GABRB3: variants seen among roughly 807,000 people sequenced by gnomAD.
The protein encoded by GABRB3 is gamma-aminobutyric acid type A receptor subunit beta3, also known as gamma-aminobutyric acid receptor subunit beta-3.
GABRB3 carries 14 observed loss-of-function variants against 52.1 expected under a neutral mutation model. The ratio of observed to expected loss-of-function variants is 0.27; its 90% confidence interval spans 0.18 to 0.42. The LOEUF is 0.42. Among genes scored for constraint, GABRB3 ranks in the 10% least tolerant of loss-of-function variants. The pLI is 1.00. For missense variants in GABRB3, 307 were observed against 609.1 expected (o/e 0.50, Z 5.22); for synonymous variants, 260 against 232.3 (o/e 1.12, Z -1.08).
In GABRB3 at chr15:26,585,515, G is replaced by C. The variant is rs189896681; in HGVS notation, c.462-2101C>G. ...GGTGATAAAGTATGTCCTTCCATTA[G>C]CATCTGGTTAAGCAAGCAGGTTGAG... On this transcript the variant is annotated intron_variant, in intron 4 of 8. Transcript: ENST00000311550. Among the ~76,000 whole-genome samples, 9 of 152,260 alleles carry C rather than the reference G, an allele frequency of 5.9e-5. No homozygotes were observed. In the East Asian group the frequency reaches 1.4e-3, roughly 23 times the overall value.
chr15:26,567,019 T>C (rs1890202963), intron 7 of GABRB3, among the ~76,000 whole-genome samples: 1 of 152,182 alleles, frequency 6.6e-6, no homozygotes, highest in South Asian at 2.1e-4. Flanking sequence ...AAGCCTTCCC[T>C]TAATAATCAA....
chr15:26,682,990 C>A (rs1888286168), intron 3 of GABRB3, among the ~76,000 whole-genome samples: 1 of 152,186 alleles, frequency 6.6e-6, no homozygotes, highest in African/African-American at 2.4e-5. Flanking sequence ...GTGCTGCCCC[C>A]ACCACTGCCC....
chr15:26,591,272 A>T (rs920808198), intron 4 of GABRB3, among the ~76,000 whole-genome samples: 1 of 152,218 alleles, frequency 6.6e-6, no homozygotes, highest in African/African-American at 2.4e-5. Flanking sequence ...CAACACAAGT[A>T]ACTGCAAACA....
chr15:26,724,837 C>A (rs543385100), intron 3 of GABRB3, among the ~76,000 whole-genome samples: 2 of 152,230 alleles, frequency 1.3e-5, no homozygotes, highest in African/African-American at 4.8e-5. Flanking sequence ...TCCCTTTGCC[C>A]CCCCTCAAAG....
rs534774851 is a variant in GABRB3 at position 26,731,021 on chromosome 15, T to C, written c.240+41381A>G. Among the ~76,000 whole-genome samples the C allele has an allele frequency of 2.0e-4, 30 of 152,218 alleles. No homozygotes were observed. In the East Asian group the frequency reaches 5.6e-3, roughly 28 times the overall value. The stretch of plus-strand genomic sequence containing the variant: ...TTTCAGCCACTGCTGCGAAGTCTTA[T>C]TTTCAGCAACACCAGTATTAATGAT... On this transcript the variant is annotated intron_variant, in intron 3 of 8. Transcript: ENST00000311550.
chr15:26,733,873 T>A (rs935770350), intron 3 of GABRB3, among the ~76,000 whole-genome samples: 1 of 152,132 alleles, frequency 6.6e-6, no homozygotes, highest in African/African-American at 2.4e-5. Context: ...GACTGTTCAA[T>A]AGGGAAAGGA....
At chr15:26,567,883 G>T in intron 6 of GABRB3, 150 bp from the exon 7 acceptor site, 1 of 734,580 alleles carries the variant, frequency 1.4e-6, no homozygotes, top group Non-Finnish European at 2.4e-6. Context: ...CTGTCTGCTA[G>T]CGGTATTTAT....
intron 3 of GABRB3, among the ~76,000 whole-genome samples, chr15:26,656,862 C>A (rs1360095331): frequency 1.3e-5 from 2 of 152,170 alleles, no homozygotes; most frequent in East Asian, 1.9e-4. Context: ...ATAAAAAATT[C>A]TTGTCTGAGT....
In GABRB3 at chr15:26,726,145, G is replaced by T. The variant is rs1889765801; in HGVS notation, c.240+46257C>A. ...CCTTGGGGATACTGAACTGTACATT[G>T]TGTGCCTGCATTTTGACTGCAGCCC... On this transcript the variant is annotated intron_variant, in intron 3 of 8. Transcript: ENST00000311550. Among the ~76,000 whole-genome samples, 6 of 151,320 alleles carry T rather than the reference G, an allele frequency of 4.0e-5. No individual in the cohort carries two copies. In the South Asian group the frequency reaches 1.1e-3, roughly 27 times the overall value.
At chr15:26,733,248 A>T (rs138332079) in intron 3 of GABRB3, among the ~76,000 whole-genome samples, 1 of 152,008 alleles carries the variant, frequency 6.6e-6, no homozygotes, top group Admixed American at 6.6e-5. Context: ...TTATGTAGAA[A>T]ATACATACTA....
At chr15:26,597,937 G>A (rs1891455827) in intron 4 of GABRB3, among the ~76,000 whole-genome samples, 1 of 152,224 alleles carries the variant, frequency 6.6e-6, no homozygotes, top group African/African-American at 2.4e-5. Flanking sequence ...AGGTTGAGAA[G>A]CCCCAAGTCC....
At chr15:26,550,943 A>G (rs1243961653) in intron 8 of GABRB3, among the ~76,000 whole-genome samples, 1 of 152,232 alleles carries the variant, frequency 6.6e-6, no homozygotes, top group African/African-American at 2.4e-5. Flanking sequence ...TGCCTCAAAG[A>G]ACGAGTAGAA....
At chr15:26,663,431 C>T (rs967988879) in intron 3 of GABRB3, among the ~76,000 whole-genome samples, 3 of 152,198 alleles carry the variant, frequency 2.0e-5, no homozygotes, top group African/African-American at 4.8e-5. Flanking sequence ...TTTGGGACTG[C>T]TATGTCTAAT....
chr15:26,751,952 A>C (rs1890521791), intron 3 of GABRB3, among the ~76,000 whole-genome samples: 1 of 152,212 alleles, frequency 6.6e-6, no homozygotes. Flanking sequence ...TAAACGAAAA[A>C]TATAAATGTA....
At chr15:26,699,089 A>C (rs2140677524) in intron 3 of GABRB3, among the ~76,000 whole-genome samples, 1 of 152,166 alleles carries the variant, frequency 6.6e-6, no homozygotes, top group Admixed American at 6.5e-5. Context: ...ACGGACACAA[A>C]GTGCATTGAG....
At chr15:26,580,568 T>C in intron 5 of GABRB3, 112 bp from the exon 6 acceptor site, 3 of 1,343,584 alleles carry the variant, frequency 2.2e-6, no homozygotes, top group South Asian at 2.3e-5. Context: ...TTGAGTAGAT[T>C]TGCTTAATGT....
At chr15:26,732,795 C>T (rs1291610506) in intron 3 of GABRB3, among the ~76,000 whole-genome samples, 1 of 152,084 alleles carries the variant, frequency 6.6e-6, no homozygotes, top group Non-Finnish European at 1.5e-5. Context: ...TCAAGACCAT[C>T]CTGGCCAAAA....
At chr15:26,705,420 T>C (rs1256979237) in intron 3 of GABRB3, among the ~76,000 whole-genome samples, 2 of 152,170 alleles carry the variant, frequency 1.3e-5, no homozygotes, top group Non-Finnish European at 2.9e-5. Flanking sequence ...GGGTTAGGAT[T>C]TCAACATACA....
intron 3 of GABRB3, among the ~76,000 whole-genome samples, chr15:26,718,191 G>T (rs1307062896): frequency 6.6e-6 from 1 of 152,142 alleles, no homozygotes; most frequent in Non-Finnish European, 1.5e-5. Context: ...CAATTTAATA[G>T]CTTATTTCTT....
Sources: gnomAD v4.1 joint callset for allele counts (sites outside exome capture counted in the v4.1 genomes callset) on GRCh38, gnomAD v4.1.1 for gene constraint, MANE v1.5 for transcripts, NCBI Gene and HGNC (gene_info 2026-07-23, HGNC 2026-07-21) for gene names.